The following GAN variants were observed in gnomAD, a reference collection of about 807,000 sequenced individuals.
GAN encodes gigaxonin.
A neutral mutation model predicts 71.3 loss-of-function variants in GAN; 48 were observed. The ratio of observed to expected loss-of-function variants is 0.67; its 90% CI spans 0.53 to 0.86. The LOEUF is 0.86. GAN is among the 40% of genes least tolerant of loss of function. The pLI, the probability that GAN is intolerant of heterozygous loss-of-function variation, is 0.00. For missense variants in GAN, 928 were observed against 770.1 expected (o/e 1.21, Z -2.43); for synonymous variants, 386 against 276.8 (o/e 1.39, Z -3.92).
chr16:81,317,942 A>C (rs1465822956), intron 1 of GAN, among the ~76,000 whole-genome samples: 1 of 152,154 alleles, frequency 6.6e-6, no homozygotes, highest in Non-Finnish European at 1.5e-5. Context: ...AATTGCTTTA[A>C]GTTTATTTGG....
At chr16:81,331,066 A>G (rs1909559829) in intron 1 of GAN, among the ~76,000 whole-genome samples, 1 of 152,182 alleles carries the variant, frequency 6.6e-6, no homozygotes, top group African/African-American at 2.4e-5. Context: ...TTAGCCAGGC[A>G]TGGTGGCGCA....
At position 81,354,583 on chromosome 16, in the gene GAN, C is replaced by G; in HGVS notation, c.461C>G (p.Thr154Arg). The G allele has an allele frequency of 1.2e-6, 2 of 1,614,136 alleles. No individual in the cohort carries two copies. The highest frequency in any genetic ancestry group is 1.7e-6 in the Non-Finnish European group (2 of 1,180,008). ...YCLHHVHYLA[T>R]EYLETHFRDV... ...CTCCATCACGTTCATTACCTTGCCACAGAATACCTGGAGACTCATTTCCGA... is the reference window on the plus strand; with the variant it reads ...CTCCATCACGTTCATTACCTTGCCAGAGAATACCTGGAGACTCATTTCCGA... Residue 154 changes from threonine to arginine, a missense_variant, in exon 3 of 11, where the codon ACA (threonine) becomes AGA (arginine). Thr to Arg is a moderately conservative substitution (Grantham distance 71). Coordinates refer to ENST00000648994, the MANE Select transcript of GAN (RefSeq NM_022041.4).
intron 1 of GAN, among the ~76,000 whole-genome samples, chr16:81,335,139 G>C (rs1305186783): frequency 8.1e-6 from 1 of 122,768 alleles, no homozygotes; most frequent in Non-Finnish European, 1.7e-5. Flanking sequence ...ATTAAACTGT[G>C]TGACTATGGG....
At chr16:81,363,535 A>T (rs1046768809) in intron 6 of GAN, among the ~76,000 whole-genome samples, 9 of 152,188 alleles carry the variant, frequency 5.9e-5, no homozygotes, top group African/African-American at 2.2e-4. Context: ...TCGGGGATAC[A>T]TGTGCAGGTT....
At chr16:81,375,492 A>G (rs992571884) in intron 9 of GAN, among the ~76,000 whole-genome samples, 1 of 151,778 alleles carries the variant, frequency 6.6e-6, no homozygotes, top group Non-Finnish European at 1.5e-5. Context: ...ACATTTGGCT[A>G]ATTTTTGTAT....
chr16:81,316,517 G>A (rs1280942781), intron 1 of GAN, among the ~76,000 whole-genome samples: 2 of 151,956 alleles, frequency 1.3e-5, no homozygotes, highest in Non-Finnish European at 2.9e-5. Context: ...AGTAGGGTCT[G>A]GGGTAGCATC....
At position 81,354,266 on chromosome 16, in the gene GAN, A is replaced by G; in HGVS notation, c.283-139A>G. ...GAAAAAAAAAAAAAAATGCTGGGTTAAACCATATGAAATTGCCAATATTCG... is the reference window on the plus strand; with the variant it reads ...GAAAAAAAAAAAAAAATGCTGGGTTGAACCATATGAAATTGCCAATATTCG... On this transcript the variant is annotated intron_variant, in intron 2 of 10. Coordinates refer to ENST00000648994, the MANE Select transcript of GAN (RefSeq NM_022041.4). 4.5e-6 allele frequency: 3 copies of G among 670,462 alleles called. 1 individual carries two copies. The highest frequency in any genetic ancestry group is 5.2e-6 in the Non-Finnish European group (2 of 386,178). 41.5% of individuals were successfully genotyped at this position (670,462 alleles called of 1,614,324 possible).
intron 1 of GAN, among the ~76,000 whole-genome samples, chr16:81,335,657 G>A (rs1197319885): frequency 6.9e-6 from 1 of 145,834 alleles, no homozygotes; most frequent in Non-Finnish European, 1.5e-5. Context: ...TGAGGCAGGA[G>A]AATCGCTTGA....
At chr16:81,331,446 A>G (rs990965022) in intron 1 of GAN, among the ~76,000 whole-genome samples, 14 of 152,198 alleles carry the variant, frequency 9.2e-5, no homozygotes, top group African/African-American at 3.1e-4. Flanking sequence ...TAACAATATT[A>G]ATTTCTGAGT....
intron 1 of GAN, among the ~76,000 whole-genome samples, chr16:81,336,888 CCA>C (rs1909781214): frequency 6.6e-6 from 1 of 152,122 alleles, no homozygotes; most frequent in African/African-American, 2.4e-5. Flanking sequence ...TATCAGTATA[CCA>C]CACGAGGGTG....
chr16:81,366,074 G>T lies in GAN; in HGVS notation c.1502+596G>T, dbSNP rs144149928. Among the ~76,000 whole-genome samples the T allele has an allele frequency of 7.0e-3, 1,069 of 152,246 alleles. 13 individuals carry two copies. Among genetic ancestry groups the T allele is most frequent in the African/African-American group, 0.024 (1,008 of 41,534 alleles). On this transcript the variant is annotated intron_variant, in intron 9 of 10. Transcript: ENST00000648994. ...TCCCTTCCCGCTGTCCATCCAGTTA[G>T]CTTGGCCTTTTTCAAAACTGCTTAG...
At chr16:81,370,216 A>G (rs2150694825) in intron 9 of GAN, among the ~76,000 whole-genome samples, 1 of 152,320 alleles carries the variant, frequency 6.6e-6, no homozygotes, top group East Asian at 1.9e-4. Context: ...AAAACATCTC[A>G]CTGGTCTACC....
At chr16:81,339,918 C>A (rs1909886148) in intron 1 of GAN, among the ~76,000 whole-genome samples, 1 of 152,092 alleles carries the variant, frequency 6.6e-6, no homozygotes, top group Non-Finnish European at 1.5e-5. Flanking sequence ...GATACTTAAC[C>A]TTCAGGTGTT....
At chr16:81,366,933 T>A (rs763504794) in intron 9 of GAN, among the ~76,000 whole-genome samples, 1 of 152,180 alleles carries the variant, frequency 6.6e-6, no homozygotes, top group Admixed American at 6.5e-5. Flanking sequence ...CAAGCGATTC[T>A]TCCACCTCGG....
At chr16:81,369,016 T>A (rs927887711) in intron 9 of GAN, among the ~76,000 whole-genome samples, 1 of 152,216 alleles carries the variant, frequency 6.6e-6, no homozygotes, top group Admixed American at 6.5e-5. Context: ...CTTTCACATA[T>A]CGTATACTCC....
At chr16:81,354,966 A>G (rs998971065) in intron 3 of GAN, among the ~76,000 whole-genome samples, 16 of 152,232 alleles carry the variant, frequency 1.1e-4, no homozygotes, top group Non-Finnish European at 2.1e-4. Flanking sequence ...CAGTGAAAAT[A>G]TTAGCCCTTG....
intron 3 of GAN, 133 bp from the exon 4 acceptor site, chr16:81,356,652 A>T (rs1191636954): frequency 7.9e-6 from 6 of 763,410 alleles, no homozygotes; most frequent in Non-Finnish European, 1.5e-5. Flanking sequence ...AAGCAGCACG[A>T]GTGTGTCTCA....
At chr16:81,357,266 C>A (rs1200282197) in intron 4 of GAN, among the ~76,000 whole-genome samples, 2 of 152,142 alleles carry the variant, frequency 1.3e-5, no homozygotes, top group African/African-American at 4.8e-5. Flanking sequence ...CTCCCTCCAC[C>A]CCGCAACAGT....
intron 1 of GAN, among the ~76,000 whole-genome samples, chr16:81,342,413 C>T (rs1432811147): frequency 2.6e-5 from 4 of 152,168 alleles, no homozygotes; most frequent in African/African-American, 9.7e-5. Context: ...TGTAAAAGAA[C>T]AGAAATCACA....
Sources: gnomAD v4.1 joint callset for allele counts (sites outside exome capture counted in the v4.1 genomes callset) on GRCh38, gnomAD v4.1.1 for gene constraint, MANE v1.5 for transcripts, NCBI Gene and HGNC (gene_info 2026-07-23, HGNC 2026-07-21) for gene names.